NRF1: variants seen among roughly 807,000 people sequenced by gnomAD.
NRF1 encodes the protein alpha palindromic-binding protein.
NRF1 carries 5 observed loss-of-function variants against 58.5 expected under a neutral mutation model. The observed-to-expected ratio is 0.09, with a 90% CI of 0.04 to 0.18. The LOEUF (loss-of-function observed/expected upper bound fraction) is 0.18. Among genes scored for constraint, NRF1 ranks in the 10% least tolerant of loss-of-function variants. The pLI, the probability that NRF1 is intolerant of heterozygous loss-of-function variation, is 1.00. For synonymous variants in NRF1, 224 were observed against 246.7 expected (o/e 0.91, Z 0.86); for missense variants, 288 against 657.7 (o/e 0.44, Z 6.15).
chr7:129,670,511 T>C (rs975409359), intron 2 of NRF1, among the ~76,000 whole-genome samples: 13 of 152,148 alleles, frequency 8.5e-5, no homozygotes, highest in African/African-American at 2.9e-4. Context: ...AAAAGTTCAT[T>C]TAGGTTTACA....
At chr7:129,662,383 AGTGTGTGT>A (rs3042950) in intron 2 of NRF1, among the ~76,000 whole-genome samples, 28,239 of 145,738 alleles carry the variant, frequency 0.19, 2,724 homozygotes, top group Admixed American at 0.25. Flanking sequence ...TAGAATTTCT[AGTGTGTGT>A]GTGTGTGTGT....
At chr7:129,688,350 C>T (rs1456314056) in intron 4 of NRF1, among the ~76,000 whole-genome samples, 1 of 152,146 alleles carries the variant, frequency 6.6e-6, no homozygotes, top group Non-Finnish European at 1.5e-5. Flanking sequence ...TGGTCTCAAA[C>T]TCCTGGGCTC....
chr7:129,706,237 G>A (rs1343865313), intron 5 of NRF1, among the ~76,000 whole-genome samples: 1 of 152,198 alleles, frequency 6.6e-6, no homozygotes, highest in East Asian at 1.9e-4. Context: ...ATCTAGTTTA[G>A]TTGCCATAGT....
intron 7 of NRF1, 73 bp from the exon 8 acceptor site, chr7:129,711,402 G>A: frequency 9.0e-7 from 1 of 1,115,948 alleles, no homozygotes; most frequent in Non-Finnish European, 1.3e-6. Context: ...GATTAAATGA[G>A]TCTCAGCTTC....
At chr7:129,731,681 C>T (rs950024720) in intron 10 of NRF1, among the ~76,000 whole-genome samples, 1 of 152,052 alleles carries the variant, frequency 6.6e-6, no homozygotes, top group Non-Finnish European at 1.5e-5. Flanking sequence ...TAGACTGGTT[C>T]ACTGCAGCCT....
At chr7:129,665,761 C>T (rs577354249) in intron 2 of NRF1, among the ~76,000 whole-genome samples, 7 of 152,054 alleles carry the variant, frequency 4.6e-5, no homozygotes, top group Non-Finnish European at 1.0e-4. Context: ...GACAGGTGCA[C>T]GCCACCATGC....
At chr7:129,673,357 G>C (rs1802093121) in intron 3 of NRF1, among the ~76,000 whole-genome samples, 1 of 152,140 alleles carries the variant, frequency 6.6e-6, no homozygotes, top group Admixed American at 6.5e-5. Context: ...CTGAAATGTA[G>C]AACTTTGAAA....
chr7:129,614,671 A>G (rs911194161), intron 1 of NRF1, among the ~76,000 whole-genome samples: 1 of 152,116 alleles, frequency 6.6e-6, no homozygotes, highest in Admixed American at 6.5e-5. Context: ...AGAAGGAGCT[A>G]TAGAAGTAGA....
chr7:129,755,299 T>A lies in NRF1; in HGVS notation c.*118T>A. 2.8e-5 allele frequency: 12 copies of A among 423,520 alleles called. No individual in the cohort carries two copies. Among genetic ancestry groups the A allele is most frequent in the Non-Finnish European group, 3.8e-5 (11 of 287,992 alleles). The allele number at this position is 423,520 out of a possible 1,614,324, so 26.2% of individuals were successfully genotyped here. On this transcript the variant is annotated 3_prime_UTR_variant, in exon 11 of 11. Coordinates refer to ENST00000393232, the MANE Select transcript of NRF1 (RefSeq NM_005011.5). The surrounding 1 kb of genome is among the most constrained non-coding windows in gnomAD (Gnocchi z 5.8). ...CTTTGGAAGGAAAGTTTTGTTAACC[T>A]TTTTTTTTTTAAAAGGAAGAAAGCG...
Position 129,717,369 on chromosome 7 carries a change from C to T in NRF1, c.1216C>T (p.Leu406Phe). 1 of 1,608,968 alleles carries T rather than the reference C, an allele frequency of 6.2e-7. No homozygotes were observed. Among genetic ancestry groups the T allele is most frequent in the Non-Finnish European group, 8.5e-7 (1 of 1,177,850 alleles). ...MQQGATVTMA[L>F]NSEAAAHAVA... is the part of the protein sequence containing the mutation. ...GCAGGGAGCTACAGTCACTATGGCG[C>T]TTAACAGGTGGTGGCAAGAGTGTGG... is the stretch of plus-strand genomic sequence containing the variant. Residue 406 changes from leucine (L) to phenylalanine (F), a missense_variant, in exon 9 of 11, where the codon CTT (leucine) becomes TTT (phenylalanine). Transcript: ENST00000393232.
chr7:129,663,005 T>C (rs1801822036), intron 2 of NRF1, among the ~76,000 whole-genome samples: 1 of 152,200 alleles, frequency 6.6e-6, no homozygotes, highest in South Asian at 2.1e-4. Flanking sequence ...AAGCACATCT[T>C]GCACCGCCCT....
At chr7:129,665,031 A>G (rs1306941642) in intron 2 of NRF1, among the ~76,000 whole-genome samples, 2 of 152,242 alleles carry the variant, frequency 1.3e-5, no homozygotes, top group African/African-American at 2.4e-5. Flanking sequence ...TAATGGAGAG[A>G]GAAGGACAGC....
intron 1 of NRF1, among the ~76,000 whole-genome samples, chr7:129,619,445 C>CACAT (rs1462965759): frequency 1.0e-5 from 1 of 100,462 alleles, no homozygotes; most frequent in Non-Finnish European, 1.8e-5. Context: ...CACACACACA[C>CACAT]ACATATATAT....
In NRF1 at chr7:129,741,060, A is replaced by G. The variant is rs1803834848; in HGVS notation, c.1348+13695A>G. 6.6e-6 allele frequency among the ~76,000 whole-genome samples: 1 copy of G among 152,046 alleles called. No individual in the cohort carries two copies. Among genetic ancestry groups the G allele is most frequent in the African/African-American group, 2.4e-5 (1 of 41,400 alleles). On this transcript the variant is annotated intron_variant, in intron 10 of 10. Coordinates refer to ENST00000393232, the MANE Select transcript of NRF1 (RefSeq NM_005011.5). The surrounding 1 kb of genome is among the most constrained non-coding windows in gnomAD (Gnocchi z 4.0). ...AATCAAGTCCCTTTGGCATACCTTC[A>G]TGTCCTCTTTTTTTTGTTTTTCTGT... is the stretch of plus-strand genomic sequence containing the variant.
At chr7:129,748,270 G>A (rs1314507638) in intron 10 of NRF1, among the ~76,000 whole-genome samples, 8 of 51,886 alleles carry the variant, frequency 1.5e-4, no homozygotes, top group East Asian at 8.2e-4. Context: ...GCAAGACTCC[G>A]TCTCAAAAAA....
In NRF1 at chr7:129,667,636, C is replaced by G. The variant is rs143535461; in HGVS notation, c.224-3793C>G. 4.0e-3 allele frequency among the ~76,000 whole-genome samples: 610 copies of G among 151,248 alleles called. 5 individuals are homozygous for G. Among genetic ancestry groups the G allele is most frequent in the African/African-American group, 0.014 (573 of 41,286 alleles). Reference sequence around the variant, plus strand: ...TTAATCTTTTACCTTATAGTTTATCCTTTCGGGATCTTGTTTAAGGAATTC... The same window carrying G: ...TTAATCTTTTACCTTATAGTTTATCGTTTCGGGATCTTGTTTAAGGAATTC... On this transcript the variant is annotated intron_variant, in intron 2 of 10. Transcript: ENST00000393232.
chr7:129,740,582 C>G (rs1006088934), intron 10 of NRF1, among the ~76,000 whole-genome samples: 2 of 152,344 alleles, frequency 1.3e-5, no homozygotes, highest in Non-Finnish European at 2.9e-5. Context: ...AGGCATACCC[C>G]CCGTAGCTGG....
At chr7:129,697,480 G>A (rs867206874) in intron 5 of NRF1, among the ~76,000 whole-genome samples, 89 of 149,122 alleles carry the variant, frequency 6.0e-4, no homozygotes, top group African/African-American at 1.8e-3. Context: ...CCCGGGAGGC[G>A]GAGGTTGCAG....
chr7:129,673,773 T>TCACATGTATACCTTTGTAACAAACCTG (rs1173623297), intron 3 of NRF1, among the ~76,000 whole-genome samples: 27 of 150,682 alleles, frequency 1.8e-4, no homozygotes, highest in African/African-American at 6.6e-4. Flanking sequence ...GACCACCATG[T>TCACATGTATACCTTTGTAACAAACCTG]CACATGTATA....
Sources: gnomAD v4.1 joint callset for allele counts (sites outside exome capture counted in the v4.1 genomes callset) on GRCh38, gnomAD v4.1.1 for gene constraint, Gnocchi (gnomAD v3.1) non-coding constraint, MANE v1.5 for transcripts, NCBI Gene and HGNC (gene_info 2026-07-23, HGNC 2026-07-21) for gene names.